The following STEAP1B variants were observed in gnomAD, a reference collection of about 807,000 sequenced individuals.
STEAP1B encodes STEAP family protein MGC87042.
A neutral mutation model predicts 27.9 loss-of-function variants in STEAP1B; 13 were observed. The observed-to-expected ratio is 0.47, with a 90% CI of 0.30 to 0.74. The LOEUF (loss-of-function observed/expected upper bound fraction) is 0.74, where lower values mean the gene tolerates loss of function less well. Among genes scored for constraint, STEAP1B ranks in the 30% least tolerant of loss-of-function variants. STEAP1B has a pLI of 0.06. For synonymous variants in STEAP1B, 86 were observed against 107.1 expected (o/e 0.80, Z 1.22); for missense variants, 250 against 298.7 (o/e 0.84, Z 1.20).
At chr7:22,464,847 T>C (rs1252665805) in intron 4 of STEAP1B, among the ~76,000 whole-genome samples, 2 of 149,422 alleles carry the variant, frequency 1.3e-5, no homozygotes, top group Non-Finnish European at 3.0e-5. Flanking sequence ...TATTTTGCTA[T>C]GGCAACCCTA....
At chr7:22,479,412 T>G (rs944181887) in intron 4 of STEAP1B, among the ~76,000 whole-genome samples, 1 of 152,250 alleles carries the variant, frequency 6.6e-6, no homozygotes, top group South Asian at 2.1e-4. Flanking sequence ...GCCTGTGAAC[T>G]CTAATAACTA....
intron 4 of STEAP1B, among the ~76,000 whole-genome samples, chr7:22,434,347 C>T (rs2128400556): frequency 6.6e-6 from 1 of 152,330 alleles, no homozygotes; most frequent in Non-Finnish European, 1.5e-5. Context: ...AAATGAGTGT[C>T]ACATCGCCCC....
At chr7:22,445,224 T>C (rs116927942) in intron 4 of STEAP1B, among the ~76,000 whole-genome samples, 1 of 152,326 alleles carries the variant, frequency 6.6e-6, no homozygotes, top group Non-Finnish European at 1.5e-5. Flanking sequence ...ACAGACCTCT[T>C]TGTGGTGGGT....
chr7:22,429,541 C>G (rs1583627880), intron 4 of STEAP1B, among the ~76,000 whole-genome samples: 2 of 152,052 alleles, frequency 1.3e-5, no homozygotes, highest in Admixed American at 1.3e-4. Flanking sequence ...ACCTGATCAC[C>G]AAGAGGACTA....
chr7:22,442,151 T>A (rs945183254), intron 4 of STEAP1B, among the ~76,000 whole-genome samples: 2 of 152,168 alleles, frequency 1.3e-5, no homozygotes, highest in Non-Finnish European at 2.9e-5. Flanking sequence ...AAGAGGGCAA[T>A]GGTGCTCATT....
At chr7:22,461,565 C>T (rs541323904) in intron 4 of STEAP1B, among the ~76,000 whole-genome samples, 8 of 152,280 alleles carry the variant, frequency 5.3e-5, no homozygotes, top group Admixed American at 2.6e-4. Context: ...GGCTGGCCCA[C>T]GGAAGGAACT....
At chr7:22,422,338 T>G (rs1785053796) in intron 4 of STEAP1B, among the ~76,000 whole-genome samples, 1 of 152,208 alleles carries the variant, frequency 6.6e-6, no homozygotes, top group African/African-American at 2.4e-5. Flanking sequence ...AAAATCCACC[T>G]GCTACAAATA....
rs934145753 is a variant in STEAP1B, at chr7:22,487,314, T to A, written c.762+5251A>T. ...ACCCTGTTTCTAAACAATAAAAACATAAAGATGAGGACATGATCTCTGCTC... is the reference window on the plus strand; with the variant it reads ...ACCCTGTTTCTAAACAATAAAAACAAAAAGATGAGGACATGATCTCTGCTC... On this transcript the variant is annotated intron_variant, in intron 4 of 4. Coordinates refer to ENST00000678116, the MANE Select transcript of STEAP1B (RefSeq NM_001382447.1). 2.0e-5 allele frequency among the ~76,000 whole-genome samples: 3 copies of A among 152,112 alleles called. No homozygotes were observed. The East Asian group carries it at 5.8e-4, about 30-fold the overall frequency.
chr7:22,497,661 A>C (rs998350191), intron 1 of STEAP1B, among the ~76,000 whole-genome samples: 3 of 152,218 alleles, frequency 2.0e-5, no homozygotes, highest in Admixed American at 6.5e-5. Context: ...GCATTATTCC[A>C]AGTCATTTGG....
At chr7:22,488,701 T>C (rs1786263279) in intron 4 of STEAP1B, among the ~76,000 whole-genome samples, 1 of 152,170 alleles carries the variant, frequency 6.6e-6, no homozygotes, top group African/African-American at 2.4e-5. Flanking sequence ...CAACAGCCCC[T>C]TGAGAGGAAA....
At chr7:22,452,784 C>A (rs549179465) in intron 4 of STEAP1B, among the ~76,000 whole-genome samples, 1 of 152,100 alleles carries the variant, frequency 6.6e-6, no homozygotes, top group African/African-American at 2.4e-5. Context: ...GAAATCTTCA[C>A]TTTTCTATGC....
chr7:22,491,343 T>C (rs1189081441), intron 4 of STEAP1B, among the ~76,000 whole-genome samples: 1 of 152,248 alleles, frequency 6.6e-6, no homozygotes, highest in Non-Finnish European at 1.5e-5. Context: ...GCCATTGTCC[T>C]TGCCTTTAAG....
At chr7:22,454,861 A>AT (rs1409782120) in intron 4 of STEAP1B, among the ~76,000 whole-genome samples, 24 of 57,872 alleles carry the variant, frequency 4.1e-4, no homozygotes, top group African/African-American at 1.7e-3. Flanking sequence ...ATATATATAT[A>AT]TATATTTTTT....
At chr7:22,481,052 C>T (rs1786061207) in intron 4 of STEAP1B, among the ~76,000 whole-genome samples, 1 of 152,248 alleles carries the variant, frequency 6.6e-6, no homozygotes, top group African/African-American at 2.4e-5. Context: ...ACAGATACAT[C>T]CAAAGGCTCT....
intron 4 of STEAP1B, among the ~76,000 whole-genome samples, chr7:22,441,754 T>G (rs2528852): frequency 0.85 from 128,577 of 151,806 alleles, 54,550 homozygotes; most frequent in South Asian, 0.89. Context: ...AACCAAATGT[T>G]TTTTAGTAAT....
intron 4 of STEAP1B, among the ~76,000 whole-genome samples, chr7:22,489,618 T>C (rs1480551505): frequency 6.6e-6 from 1 of 152,170 alleles, no homozygotes; most frequent in Non-Finnish European, 1.5e-5. Flanking sequence ...GAACAGCATG[T>C]GACCGTGAAG....
At chr7:22,475,525 C>A (rs1231390675) in intron 4 of STEAP1B, among the ~76,000 whole-genome samples, 1 of 152,192 alleles carries the variant, frequency 6.6e-6, no homozygotes, top group Non-Finnish European at 1.5e-5. Flanking sequence ...GTACATGCCA[C>A]CATGCCTGGC....
chr7:22,450,896 T>A (rs1686112646), intron 4 of STEAP1B, among the ~76,000 whole-genome samples: 1 of 152,168 alleles, frequency 6.6e-6, no homozygotes, highest in Non-Finnish European at 1.5e-5. Flanking sequence ...TTTAATTTTG[T>A]GACTACTGAA....
intron 4 of STEAP1B, among the ~76,000 whole-genome samples, chr7:22,485,069 A>G (rs751223514): frequency 2.6e-5 from 4 of 152,250 alleles, no homozygotes; most frequent in African/African-American, 4.8e-5. Context: ...CGCTGTGAAG[A>G]TTGTTACAAT....
Sources: gnomAD v4.1 joint callset for allele counts (sites outside exome capture counted in the v4.1 genomes callset) on GRCh38, gnomAD v4.1.1 for gene constraint, MANE v1.5 for transcripts, NCBI Gene and HGNC (gene_info 2026-07-23, HGNC 2026-07-21) for gene names.